Variants in ZNF804B observed in about 807,000 individuals in gnomAD.
The protein encoded by ZNF804B is zinc finger 804B.
A neutral mutation model predicts 101.4 loss-of-function variants in ZNF804B; 80 were observed. The observed-to-expected ratio is 0.79, with a 90% CI of 0.66 to 0.95. The LOEUF (loss-of-function observed/expected upper bound fraction) is 0.95, where lower values mean the gene tolerates loss of function less well. Ranked by LOEUF, ZNF804B falls within the 40% of genes least tolerant of loss-of-function variation. The pLI is 0.00. For synonymous variants in ZNF804B, 622 were observed against 558.8 expected, an observed-to-expected ratio of 1.11 and a Z score of -1.59; for missense variants, 1,673 against 1,561.9, an observed-to-expected ratio of 1.07 and a Z score of -1.20.
chr7:89,323,950 GA>G (rs1790859619), intron 2 of ZNF804B, among the ~76,000 whole-genome samples: 1 of 152,060 alleles, frequency 6.6e-6, no homozygotes, highest in Non-Finnish European at 1.5e-5. Context: ...GTTCTTGTCA[GA>G]ACAAGGGGAG....
At chr7:89,213,320 G>A (rs1010535424) in intron 1 of ZNF804B, among the ~76,000 whole-genome samples, 1 of 152,194 alleles carries the variant, frequency 6.6e-6, no homozygotes, top group Non-Finnish European at 1.5e-5. Context: ...AATAGAACGA[G>A]TTAGAGAATA....
chr7:89,166,741 C>T (rs534290202), intron 1 of ZNF804B, among the ~76,000 whole-genome samples: 1 of 152,244 alleles, frequency 6.6e-6, no homozygotes, highest in Admixed American at 6.5e-5. Flanking sequence ...GGAAAGATCA[C>T]TTTTTACTTC....
rs1037712166 is a variant in ZNF804B at position 88,898,180 on chromosome 7, G to A, written c.108+138096G>A. On this transcript the variant is annotated intron_variant, in intron 1 of 3. Coordinates refer to ENST00000333190, the MANE Select transcript of ZNF804B (RefSeq NM_181646.5). ...CGGCTCACTGCAAGCTCCGCCTCCC[G>A]GGTTCACGCCATTCTCCTGCCTCAG... Among the ~76,000 whole-genome samples, 7 of 139,144 alleles carry A rather than the reference G, an allele frequency of 5.0e-5. No individual in the cohort carries two copies. The East Asian group carries it at 7.1e-4, about 14-fold the overall frequency. The allele number at this position is 139,144 out of a possible 152,430, so 91.3% of individuals were successfully genotyped here.
chr7:88,903,115 A>G, intron 1 of ZNF804B, among the ~76,000 whole-genome samples: 1 of 142,488 alleles, frequency 7.0e-6, no homozygotes, highest in Non-Finnish European at 1.5e-5. Flanking sequence ...CCCCCCTCTA[A>G]TAGTCTCCAG....
intron 1 of ZNF804B, among the ~76,000 whole-genome samples, chr7:88,809,304 CATCTATCT>C (rs58545685): frequency 0.32 from 46,714 of 147,758 alleles, 7,501 homozygotes; most frequent in Non-Finnish European, 0.35. Context: ...TATTGCTTGT[CATCTATCT>C]ATCTATCTAT....
chr7:89,122,126 G>GT (rs1322479958), intron 1 of ZNF804B, among the ~76,000 whole-genome samples: 2 of 152,150 alleles, frequency 1.3e-5, no homozygotes, highest in Non-Finnish European at 2.9e-5. Context: ...AACCACAGCA[G>GT]TTTTTTAGAA....
intron 2 of ZNF804B, among the ~76,000 whole-genome samples, chr7:89,272,849 T>C (rs558903867): frequency 5.3e-5 from 8 of 152,188 alleles, no homozygotes; most frequent in African/African-American, 1.9e-4. Context: ...AGACAGAACA[T>C]TGGAAAGGCC....
intron 1 of ZNF804B, among the ~76,000 whole-genome samples, chr7:88,843,545 G>A (rs891890620): frequency 3.3e-5 from 5 of 152,062 alleles, no homozygotes; most frequent in African/African-American, 9.7e-5. Flanking sequence ...AGCCCATCCT[G>A]GCTAACACGG....
At chr7:89,228,723 G>C (rs886541864) in intron 2 of ZNF804B, among the ~76,000 whole-genome samples, 2 of 152,200 alleles carry the variant, frequency 1.3e-5, no homozygotes, top group East Asian at 1.9e-4. Context: ...ATCCCACACC[G>C]GGGTGCAGGT....
At chr7:89,077,351 A>AT (rs990322051) in intron 1 of ZNF804B, among the ~76,000 whole-genome samples, 6 of 151,142 alleles carry the variant, frequency 4.0e-5, no homozygotes, top group African/African-American at 9.7e-5. Flanking sequence ...GAAGGTTGAC[A>AT]TTTTTTTTTC....
intron 1 of ZNF804B, among the ~76,000 whole-genome samples, chr7:88,894,219 T>C (rs915408335): frequency 7.0e-6 from 1 of 143,288 alleles, no homozygotes; most frequent in African/African-American, 2.5e-5. Flanking sequence ...ATGCAATCCC[T>C]TTTTTTTTTT....
chr7:89,096,896 G>A (rs4418271), intron 1 of ZNF804B, among the ~76,000 whole-genome samples: 76,363 of 152,034 alleles, frequency 0.5, 19,683 homozygotes, highest in Middle Eastern at 0.53. Context: ...TCGGTGAGCT[G>A]TAAACCTTCT....
At chr7:88,990,589 C>T (rs1422131449) in intron 1 of ZNF804B, among the ~76,000 whole-genome samples, 2 of 152,080 alleles carry the variant, frequency 1.3e-5, no homozygotes, top group Non-Finnish European at 2.9e-5. Flanking sequence ...ATTTTCACCA[C>T]TCTACCATAT....
intron 1 of ZNF804B, among the ~76,000 whole-genome samples, chr7:88,862,837 A>G (rs1420867351): frequency 6.6e-6 from 1 of 151,950 alleles, no homozygotes; most frequent in African/African-American, 2.4e-5. Flanking sequence ...ACTATTCACT[A>G]TCCTGCACTC....
intron 2 of ZNF804B, among the ~76,000 whole-genome samples, chr7:89,244,822 G>A (rs13243576): frequency 0.12 from 18,587 of 152,092 alleles, 1,221 homozygotes; most frequent in Middle Eastern, 0.25. Context: ...ATAGTGCTAA[G>A]GGAATGTGAA....
chr7:89,178,713 C>T (rs57798955), intron 1 of ZNF804B, among the ~76,000 whole-genome samples: 24,153 of 151,970 alleles, frequency 0.16, 2,584 homozygotes, highest in Non-Finnish European at 0.22. Context: ...ACCACAATTA[C>T]GGTGTTATAA....
chr7:89,040,631 T>G (rs1306690183), intron 1 of ZNF804B, among the ~76,000 whole-genome samples: 3 of 152,180 alleles, frequency 2.0e-5, no homozygotes, highest in Non-Finnish European at 4.4e-5. Context: ...TTAGGGCCAG[T>G]TAATGGTGAT....
chr7:88,777,675 C>T (rs1364951139), intron 1 of ZNF804B, among the ~76,000 whole-genome samples: 3 of 151,754 alleles, frequency 2.0e-5, no homozygotes. Flanking sequence ...TGGTGAAACC[C>T]CATCTCTACT....
intron 1 of ZNF804B, among the ~76,000 whole-genome samples, chr7:88,861,803 C>G (rs1262945321): frequency 6.6e-6 from 1 of 152,254 alleles, no homozygotes; most frequent in Non-Finnish European, 1.5e-5. Context: ...CATACTTTAA[C>G]TATTTTGGAG....
Sources: gnomAD v4.1 joint callset for allele counts (sites outside exome capture counted in the v4.1 genomes callset) on GRCh38, gnomAD v4.1.1 for gene constraint, MANE v1.5 for transcripts, NCBI Gene and HGNC (gene_info 2026-07-23, HGNC 2026-07-21) for gene names.